Variants in TTLL11 observed in about 807,000 individuals in gnomAD.
The protein encoded by TTLL11 is tubulin polyglutamylase TTLL11.
TTLL11 carries 42 observed loss-of-function variants against 51.7 expected under a neutral mutation model. That is an observed-to-expected ratio of 0.81 (90% CI 0.64 to 1.05). The LOEUF (loss-of-function observed/expected upper bound fraction) is 1.05, where lower values mean the gene tolerates loss of function less well. Ranked by LOEUF, TTLL11 falls within the 50% of genes least tolerant of loss-of-function variation. The probability of loss-of-function intolerance (pLI) is 0.00; values close to 1 mark genes in which losing one functional copy is unlikely to be tolerated. For synonymous variants in TTLL11, 381 were observed against 383.5 expected, an observed-to-expected ratio of 0.99 and a Z score of 0.08; for missense variants, 799 against 940.4, an observed-to-expected ratio of 0.85 and a Z score of 1.97.
intron 2 of TTLL11, among the ~76,000 whole-genome samples, chr9:122,036,563 AC>A (rs1404926844): frequency 6.6e-6 from 1 of 152,072 alleles, no homozygotes; most frequent in Non-Finnish European, 1.5e-5. Context: ...TGTAATTTGA[AC>A]CAGGAAATTA....
At position 122,042,135 on chromosome 9, in the gene TTLL11, C is replaced by T. The variant is rs146815956; in HGVS notation, c.463-2767G>A. Reference sequence around the variant, plus strand: ...GTGATTCTTTCTCTTCTGCCTCAGCCCCCCGAGTGGCTGGGATTACTGGCA... The same window carrying T: ...GTGATTCTTTCTCTTCTGCCTCAGCTCCCCGAGTGGCTGGGATTACTGGCA... On this transcript the variant is annotated intron_variant, in intron 1 of 8. Transcript: ENST00000321582. Among the ~76,000 whole-genome samples, 468 of 152,166 alleles carry T rather than the reference C, an allele frequency of 3.1e-3. 5 individuals carry two copies. The highest frequency in any genetic ancestry group is 0.011 in the African/African-American group (451 of 41,520).
rs988460717 is a variant in TTLL11, at chr9:122,093,020, C to T, written c.129G>A (p.Val43=). ...CCGGTTCCCCGGCCGCGCCCGCGTC[C>T]ACGCGGACCTGTTCCGCCACCGTCT... The part of the protein sequence containing the change: ...TAETVAEQVR[V]DAGAAGEPEC... The change falls in exon 1 of 9, where the codon GTG becomes GTA. Residue 43 remains valine (V), a synonymous_variant. Transcript: ENST00000321582. The T allele has an allele frequency of 1.1e-5, 17 of 1,533,138 alleles. No homozygotes were observed. The highest frequency in any genetic ancestry group is 5.9e-5 in the Admixed American group (3 of 51,232). 95.0% of individuals were successfully genotyped at this position (1,533,138 alleles called of 1,614,324 possible). A position where few individuals can be genotyped will look rare whatever the true frequency, so the allele number is the denominator to read the frequency against.
In TTLL11 at chr9:121,853,487, G is replaced by A. The variant is rs566368587; in HGVS notation, c.1840+6850C>T. Among the ~76,000 whole-genome samples, 4 of 152,128 alleles carry A rather than the reference G, an allele frequency of 2.6e-5. No homozygotes were observed. The highest frequency in any genetic ancestry group is 1.3e-4 in the Admixed American group (2 of 15,298). ...GCAGAGGTGGGGGCCTGAGGGGGCC[G>A]GCCATTCTGGCTGGAGTGAGTGTGA... On this transcript the variant is annotated intron_variant, in intron 8 of 8. Transcript: ENST00000321582. The surrounding 1 kb of genome is among the most constrained non-coding windows in gnomAD (Gnocchi z 5.6).
At position 122,069,414 on chromosome 9, in the gene TTLL11, G is replaced by A. The variant is rs143108468; in HGVS notation, c.462+23273C>T. Among the ~76,000 whole-genome samples, 663 of 152,338 alleles carry A rather than the reference G, an allele frequency of 4.4e-3. 3 individuals are homozygous for A. The highest frequency in any genetic ancestry group is 0.015 in the African/African-American group (620 of 41,592). ...AAGGCTGGAAGGGGCTGGGCATGGT[G>A]GCTCACGCCTGTAATCCTAACACTT... On this transcript the variant is annotated intron_variant, in intron 1 of 8. Coordinates refer to ENST00000321582, the MANE Select transcript of TTLL11 (RefSeq NM_001139442.2).
Position 121,989,194 on chromosome 9 carries a change from C to T in TTLL11, c.1269+1G>A. ...GCAGGCTGGGAACTGGCAATGGTTA[C>T]CTGGAAGCACGTGGGGCCCGGCCTC... On this transcript the variant is annotated splice_donor_variant, in intron 4 of 8. Coordinates refer to ENST00000321582, the MANE Select transcript of TTLL11 (RefSeq NM_001139442.2). LOFTEE classifies it high-confidence loss of function. The surrounding 1 kb of genome is among the most constrained non-coding windows in gnomAD (Gnocchi z 4.2). 6.2e-7 allele frequency: 1 copy of T among 1,613,232 alleles called. No individual in the cohort carries two copies. Among genetic ancestry groups the T allele is most frequent in the Non-Finnish European group, 8.5e-7 (1 of 1,179,366 alleles).
chr9:122,069,614 G>T (rs1845677728), intron 1 of TTLL11, among the ~76,000 whole-genome samples: 1 of 152,114 alleles, frequency 6.6e-6, no homozygotes, highest in Admixed American at 6.5e-5. Context: ...CCCAGGAGGT[G>T]GAGCTTGCAG....
chr9:121,872,189 G>A (rs976135182), intron 6 of TTLL11, among the ~76,000 whole-genome samples: 1 of 152,222 alleles, frequency 6.6e-6, no homozygotes, highest in Admixed American at 6.5e-5. Flanking sequence ...GGGCCATCTG[G>A]GTGTCTTTGT....
intron 4 of TTLL11, among the ~76,000 whole-genome samples, chr9:121,975,281 G>C (rs1200349915): frequency 6.6e-6 from 1 of 152,184 alleles, no homozygotes; most frequent in Non-Finnish European, 1.5e-5. Context: ...AGGATGAGTA[G>C]TAGCCCATCA....
chr9:122,018,001 A>C (rs933326464), intron 3 of TTLL11, among the ~76,000 whole-genome samples: 2 of 152,202 alleles, frequency 1.3e-5, no homozygotes, highest in African/African-American at 4.8e-5. Flanking sequence ...CAATTTCTGA[A>C]GAATGGGGAC....
At chr9:122,015,807 C>CAAAAAAAAAAAAAAAAAAAAA (rs11297849) in intron 3 of TTLL11, among the ~76,000 whole-genome samples, 1 of 94,492 alleles carries the variant, frequency 1.1e-5, no homozygotes, top group African/African-American at 3.7e-5. Context: ...TCAAAAGAGA[C>CAAAAAAAAAAAAAAAAAAAAA]AAAAAAAAAA....
intron 6 of TTLL11, among the ~76,000 whole-genome samples, chr9:121,900,454 T>C (rs1054756906): frequency 9.9e-5 from 15 of 152,230 alleles, no homozygotes; most frequent in African/African-American, 3.4e-4. Context: ...TCACAGTATA[T>C]CTACCCGTGG....
intron 3 of TTLL11, among the ~76,000 whole-genome samples, chr9:122,009,274 A>C (rs1316431028): frequency 6.6e-6 from 1 of 152,220 alleles, no homozygotes; most frequent in Non-Finnish European, 1.5e-5. Flanking sequence ...TGCATATTTC[A>C]AAACAACATG....
At chr9:122,042,252 C>T (rs939103413) in intron 1 of TTLL11, among the ~76,000 whole-genome samples, 2 of 152,170 alleles carry the variant, frequency 1.3e-5, no homozygotes, top group South Asian at 2.1e-4. Flanking sequence ...CCACCTGCCT[C>T]GGCCTCCCCA....
At chr9:121,957,019 C>A (rs904696692) in intron 6 of TTLL11, among the ~76,000 whole-genome samples, 1 of 152,160 alleles carries the variant, frequency 6.6e-6, no homozygotes, top group African/African-American at 2.4e-5. Flanking sequence ...CTGACTCAAA[C>A]CAGAATCTGA....
At chr9:121,946,530 C>T (rs533766612) in intron 6 of TTLL11, among the ~76,000 whole-genome samples, 8 of 152,190 alleles carry the variant, frequency 5.3e-5, no homozygotes, top group Non-Finnish European at 7.4e-5. Context: ...TTTAGGAAGA[C>T]GAAAAAGTTC....
chr9:121,835,116 C>G (rs528847246), intron 8 of TTLL11, among the ~76,000 whole-genome samples: 22 of 152,274 alleles, frequency 1.4e-4, no homozygotes, highest in Non-Finnish European at 2.8e-4. Flanking sequence ...AAGTGAGGGG[C>G]TGGACGGAGT....
intron 6 of TTLL11, among the ~76,000 whole-genome samples, chr9:121,905,815 A>G (rs958812529): frequency 6.6e-6 from 1 of 152,274 alleles, no homozygotes. Context: ...TCTTTCTCAT[A>G]ATTTTGGATT....
intron 6 of TTLL11, among the ~76,000 whole-genome samples, chr9:121,948,673 G>A (rs1286499221): frequency 6.6e-6 from 1 of 152,226 alleles, no homozygotes; most frequent in African/African-American, 2.4e-5. Flanking sequence ...ACAGAGCCAG[G>A]AAGTGGCAGA....
intron 6 of TTLL11, among the ~76,000 whole-genome samples, chr9:121,967,203 G>A (rs1842421458): frequency 1.4e-5 from 2 of 138,926 alleles, no homozygotes; most frequent in Admixed American, 1.5e-4. Context: ...TGATGCTTCA[G>A]CGGGAGATTT....
Sources: allele counts gnomAD v4.1 joint callset (sites outside exome capture counted in the v4.1 genomes callset), GRCh38; gene constraint gnomAD v4.1.1; non-coding constraint Gnocchi (gnomAD v3.1); transcripts MANE v1.5; gene names NCBI Gene and HGNC (gene_info 2026-07-23, HGNC 2026-07-21).